Variants in MIA2 observed in about 807,000 individuals in gnomAD.
The protein encoded by MIA2 is MIA SH3 domain ER export factor 2.
MIA2 carries 127 observed loss-of-function variants against 167.8 expected under a neutral mutation model. The observed-to-expected ratio is 0.76, with a 90% CI of 0.66 to 0.88. The LOEUF is 0.88. MIA2 is among the 40% of genes least tolerant of loss of function. The pLI, the probability that MIA2 is intolerant of heterozygous loss-of-function variation, is 0.00. For synonymous variants in MIA2, 552 were observed against 541.9 expected, an observed-to-expected ratio of 1.02 and a Z score of -0.26; for missense variants, 1,690 against 1,624.7, an observed-to-expected ratio of 1.04 and a Z score of -0.69.
intron 9 of MIA2, among the ~76,000 whole-genome samples, chr14:39,280,471 G>A (rs2058748641): frequency 6.6e-6 from 1 of 152,098 alleles, no homozygotes; most frequent in East Asian, 1.9e-4. Flanking sequence ...GGTGGCTCAT[G>A]CTTGTAATCC....
At chr14:39,299,789 T>G (rs2062098845) in intron 13 of MIA2, 75 bp from the exon 14 acceptor site, 1 of 1,470,192 alleles carries the variant, frequency 6.8e-7, no homozygotes, top group South Asian at 1.4e-5. Context: ...TTTAAGTAGC[T>G]ACATAATGCC....
intron 23 of MIA2, among the ~76,000 whole-genome samples, chr14:39,369,451 A>T (rs1299865264): frequency 6.6e-6 from 1 of 152,176 alleles, no homozygotes; most frequent in Non-Finnish European, 1.5e-5. Context: ...TTTCACACTC[A>T]TCCTTAATTC....
chr14:39,382,957 T>TG (rs1312119070), intron 23 of MIA2, among the ~76,000 whole-genome samples: 1 of 148,374 alleles, frequency 6.7e-6, no homozygotes, highest in East Asian at 2.0e-4. Context: ...GCCACAGTTT[T>TG]TTTTTTTTTT....
Position 39,298,437 on chromosome 14 carries a change from ATATATAAAGAT to A in MIA2, c.2497-1424_2497-1414del, listed in dbSNP as rs1171978684. 1.1e-4 allele frequency among the ~76,000 whole-genome samples: 2 copies of A among 17,844 alleles called. 1 individual carries two copies. The allele number at this position is 17,844 out of a possible 152,430, so 11.7% of individuals were successfully genotyped here. ...TTTATATATATATATATATATATAT[ATATATAAAGAT>A]TAGTTTTTCATGTGTTCGGAATACG... On this transcript the variant is annotated intron_variant, in intron 13 of 28. Transcript: ENST00000640607.
At position 39,347,787 on chromosome 14, in the gene MIA2, G is replaced by C. The variant is rs778018106; in HGVS notation, c.3837+16G>C. On this transcript the variant is annotated intron_variant, in intron 27 of 28. Coordinates refer to ENST00000640607, the MANE Select transcript of MIA2 (RefSeq NM_001329214.4). ...TGATCTTGGTGTAAGTATTGAAAGA[G>C]TGGAATTGTATGCATGTATTCAGAA... 1 of 1,483,896 alleles carries C rather than the reference G, an allele frequency of 6.7e-7. No individual in the cohort carries two copies. Among genetic ancestry groups the C allele is most frequent in the Non-Finnish European group, 9.4e-7 (1 of 1,069,156 alleles). 91.9% of individuals were successfully genotyped at this position (1,483,896 alleles called of 1,614,324 possible).
Position 39,279,360 on chromosome 14 carries a change from T to C in MIA2, c.2041+2T>C. 1 of 1,608,702 alleles carries C rather than the reference T, an allele frequency of 6.2e-7. No individual in the cohort carries two copies. Among genetic ancestry groups the C allele is most frequent in the South Asian group, 1.1e-5 (1 of 89,104 alleles). On this transcript the variant is annotated splice_donor_variant, in intron 8 of 28. Transcript: ENST00000640607. LOFTEE classifies it high-confidence loss of function. ...AGGTTAGGAGTCGGCTTTATGTGGG[T>C]AAGTTCTTTTTTCTGCTTTGACTCT...
intron 23 of MIA2, among the ~76,000 whole-genome samples, chr14:39,383,418 G>A (rs1259506938): frequency 6.6e-6 from 1 of 152,200 alleles, no homozygotes; most frequent in Non-Finnish European, 1.5e-5. Context: ...ATTGACAGAT[G>A]TATGTGTTCT....
intron 6 of MIA2, among the ~76,000 whole-genome samples, chr14:39,273,235 CTTT>C (rs35613060): frequency 3.0e-5 from 4 of 132,162 alleles, no homozygotes; most frequent in African/African-American, 8.4e-5. Context: ...AGGAGAAAAG[CTTT>C]TTTTTTTTTT....
Position 39,303,459 on chromosome 14 carries a change from C to T in MIA2, c.2741-19C>T. 6.3e-7 allele frequency: 1 copy of T among 1,595,678 alleles called. No individual in the cohort carries two copies. The highest frequency in any genetic ancestry group is 1.7e-4 in the Middle Eastern group (1 of 5,796). On this transcript the variant is annotated intron_variant, in intron 15 of 28. Coordinates refer to ENST00000640607, the MANE Select transcript of MIA2 (RefSeq NM_001329214.4). Reference sequence around the variant, plus strand: ...ACTATTTTCCCAAATCATTGTTGTGCTTTTGATTTTCACTGTAGATAATCC... The same window carrying T: ...ACTATTTTCCCAAATCATTGTTGTGTTTTTGATTTTCACTGTAGATAATCC...
At chr14:39,262,888 T>C (rs959711530) in intron 6 of MIA2, among the ~76,000 whole-genome samples, 93 of 152,308 alleles carry the variant, frequency 6.1e-4, no homozygotes, top group African/African-American at 2.1e-3. Context: ...TTTGCTGAAG[T>C]TGCTTATCAG....
At chr14:39,270,040 A>C (rs1181499898) in intron 6 of MIA2, among the ~76,000 whole-genome samples, 1 of 152,064 alleles carries the variant, frequency 6.6e-6, no homozygotes, top group Non-Finnish European at 1.5e-5. Flanking sequence ...AGAACTGCCA[A>C]ATTGTTTTCC....
In MIA2 at chr14:39,348,870, G is replaced by A; in HGVS notation, c.3965G>A (p.Arg1322Lys). The change falls in exon 28 of 29, where the codon AGA becomes AAA. Residue 1322 changes from arginine (R) to lysine (K), a missense_variant. Physicochemically the swap from Arg to Lys is conservative, Grantham distance 26. Transcript: ENST00000640607. ...FPVDARGPFLRRGPPFPPPPP... is the reference protein window; with the variant it reads ...FPVDARGPFLKRGPPFPPPPP... The stretch of plus-strand genomic sequence containing the variant: ...GTGGATGCAAGAGGCCCATTCTTGA[G>A]AAGAGGACCTCCTTTCCCCCCACCT... 1 of 1,614,080 alleles carries A rather than the reference G, an allele frequency of 6.2e-7. No homozygotes were observed. Among genetic ancestry groups the A allele is most frequent in the South Asian group, 1.1e-5 (1 of 91,082 alleles).
rs1159477686 is a variant in MIA2 at position 39,311,622 on chromosome 14, C to G, written c.3018-1718C>G. Among the ~76,000 whole-genome samples, 6 of 150,344 alleles carry G rather than the reference C, an allele frequency of 4.0e-5. No homozygotes were observed. In the South Asian group the frequency reaches 8.5e-4, roughly 21 times the overall value. On this transcript the variant is annotated intron_variant, in intron 18 of 28. Transcript: ENST00000640607. ...CCTCCCGAGTAGCTGGGACTACAGG[C>G]GTGCGCCACCACTCCTGGCTTATTT... is the stretch of plus-strand genomic sequence containing the variant.
At chr14:39,249,252 G>A (rs570697655) in intron 4 of MIA2, among the ~76,000 whole-genome samples, 5 of 151,870 alleles carry the variant, frequency 3.3e-5, no homozygotes, top group South Asian at 2.1e-4. Flanking sequence ...TCTATCCCTC[G>A]ACCTCAGCCT....
intron 27 of MIA2, 81 bp from the exon 28 acceptor site, chr14:39,348,662 A>G: frequency 6.4e-7 from 1 of 1,555,286 alleles, no homozygotes; most frequent in East Asian, 2.2e-5. Context: ...TGTCTAGATG[A>G]TTTCTTCTAA....
intron 6 of MIA2, among the ~76,000 whole-genome samples, chr14:39,260,568 T>C (rs991755890): frequency 1.3e-5 from 2 of 152,244 alleles, no homozygotes; most frequent in Non-Finnish European, 2.9e-5. Flanking sequence ...GATTTTTTCT[T>C]GTAAATTTTA....
At chr14:39,265,517 C>T (rs1264170951) in intron 6 of MIA2, 13 of 898,266 alleles carry the variant, frequency 1.4e-5, no homozygotes, top group Non-Finnish European at 1.9e-5. Flanking sequence ...ATGGGGGGAA[C>T]TTGGATTTTT....
At chr14:39,260,900 G>T (rs2055069690) in intron 6 of MIA2, among the ~76,000 whole-genome samples, 1 of 152,008 alleles carries the variant, frequency 6.6e-6, no homozygotes, top group Admixed American at 6.6e-5. Context: ...TGTAAGGAAG[G>T]GATCCAGTTT....
Position 39,322,632 on chromosome 14 carries a change from A to C in MIA2, c.3496+1576A>C, listed in dbSNP as rs557061697. On this transcript the variant is annotated intron_variant, in intron 24 of 28. Coordinates refer to ENST00000640607, the MANE Select transcript of MIA2 (RefSeq NM_001329214.4). Reference sequence around the variant, plus strand: ...GGTACCTCAGGCCTAATCATTAGCTATTCTACATTTATCTCATCAGCATCA... The same window carrying C: ...GGTACCTCAGGCCTAATCATTAGCTCTTCTACATTTATCTCATCAGCATCA... 9.2e-4 allele frequency among the ~76,000 whole-genome samples: 139 copies of C among 151,326 alleles called. 2 individuals carry two copies. In the South Asian group the frequency reaches 0.028, roughly 31 times the overall value.
Sources: allele counts gnomAD v4.1 joint callset (sites outside exome capture counted in the v4.1 genomes callset), GRCh38; gene constraint gnomAD v4.1.1; transcripts MANE v1.5; gene names NCBI Gene and HGNC (gene_info 2026-07-23, HGNC 2026-07-21).